PAK2: variants seen among roughly 807,000 people sequenced by gnomAD.
PAK2 encodes the protein p21 (RAC1) activated kinase 2, also known as serine/threonine-protein kinase PAK 2.
PAK2 carries 21 observed loss-of-function variants against 65.9 expected under a neutral mutation model. The observed-to-expected ratio is 0.32, with a 90% CI of 0.23 to 0.46. The LOEUF (loss-of-function observed/expected upper bound fraction) is 0.46, where lower values mean the gene tolerates loss of function less well. Ranked by LOEUF, PAK2 falls within the 20% of genes least tolerant of loss-of-function variation. The pLI is 1.00. For synonymous variants in PAK2, 204 were observed against 219.7 expected (o/e 0.93, Z 0.63); for missense variants, 324 against 642.6 (o/e 0.50, Z 5.36).
In PAK2 at chr3:196,801,928, A is replaced by C. The variant is rs1715434306; in HGVS notation, c.189A>C (p.Gly63=). 3.3e-6 allele frequency: 5 copies of C among 1,522,588 alleles called. No individual in the cohort carries two copies. The highest frequency in any genetic ancestry group is 1.4e-5 in the African/African-American group (1 of 73,224). The allele number at this position is 1,522,588 out of a possible 1,614,324, so 94.3% of individuals were successfully genotyped here. A position where few individuals can be genotyped will look rare whatever the true frequency, so the allele number is the denominator to read the frequency against. ...IISIFSGTEK[G]SKKKEKERPE... is the part of the protein sequence containing the mutation. ...CTCTTTTTTTCTAATGCCCCCTAGG[A>C]AGTAAAAAGAAAGAAAAGGAACGGC... Residue 63 remains glycine (G), a splice_region_variant and synonymous_variant, in exon 3 of 15, where the codon GGA becomes GGC. Transcript: ENST00000327134.
rs1461168229 is a variant in PAK2, at chr3:196,801,849, A to C, written c.188-78A>C. ...ACTCCATTTAAAAAAACAAAAGACAAAAAATAAAATTATAAGTGCCTTTAC... is the reference window on the plus strand; with the variant it reads ...ACTCCATTTAAAAAAACAAAAGACACAAAATAAAATTATAAGTGCCTTTAC... On this transcript the variant is annotated intron_variant, in intron 2 of 14. Transcript: ENST00000327134. The C allele has an allele frequency of 3.8e-5, 30 of 779,224 alleles. No individual in the cohort carries two copies. The East Asian group carries it at 7.0e-4, about 18-fold the overall frequency. The allele number at this position is 779,224 out of a possible 1,614,324, so 48.3% of individuals were successfully genotyped here.
chr3:196,783,709 C>T (rs947875154), intron 2 of PAK2, among the ~76,000 whole-genome samples: 5 of 152,238 alleles, frequency 3.3e-5, no homozygotes, highest in Middle Eastern at 3.4e-3. Context: ...ACCTTCTCTT[C>T]GTCCCCAATA....
At position 196,739,942 on chromosome 3, in the gene PAK2, G is replaced by A. The variant is rs1713125712; in HGVS notation, c.-237G>A. 6.6e-6 allele frequency: 1 copy of A among 152,136 alleles called. No homozygotes were observed. Among genetic ancestry groups the A allele is most frequent in the Non-Finnish European group, 1.5e-5 (1 of 68,030 alleles). The allele number at this position is 152,136 out of a possible 1,614,324, so 9.4% of individuals were successfully genotyped here. A position where few individuals can be genotyped will look rare whatever the true frequency, so the allele number is the denominator to read the frequency against. ...GGCCCGGGCCGTCGCCATTGCCGAA[G>A]GCTCCCTCCCCTCCCCTCCCTGGCG... On this transcript the variant is annotated 5_prime_UTR_variant, in exon 1 of 15. Coordinates refer to ENST00000327134, the MANE Select transcript of PAK2 (RefSeq NM_002577.4).
At chr3:196,781,077 C>T (rs1021137755) in intron 1 of PAK2, among the ~76,000 whole-genome samples, 4 of 152,206 alleles carry the variant, frequency 2.6e-5, no homozygotes, top group Non-Finnish European at 4.4e-5. Context: ...CATGAGCCAT[C>T]GTGCCCAGCT....
rs1184002054 is a variant in PAK2, at chr3:196,814,496, TG to T, written c.987del (p.Ser330HisfsTer6). 1.2e-5 allele frequency: 19 copies of T among 1,550,526 alleles called. No homozygotes were observed. The highest frequency in any genetic ancestry group is 2.3e-5 in the East Asian group (1 of 43,958). On this transcript the variant is annotated frameshift_variant, in exon 11 of 15. Transcript: ENST00000327134. LOFTEE classifies it high-confidence loss of function. ...ELFVVMEYLA[G>X]GSLTDVVTET... ...TGTTTGTGGTCATGGAATACCTTGC[TG>T]GGGGGTCACTCACTGATGTGGTAAC...
chr3:196,793,722 GT>G (rs1189556435), intron 2 of PAK2, among the ~76,000 whole-genome samples: 2 of 152,148 alleles, frequency 1.3e-5, no homozygotes, highest in African/African-American at 4.8e-5. Context: ...CAAGAAAAGA[GT>G]TCGCAGAGAA....
intron 1 of PAK2, among the ~76,000 whole-genome samples, chr3:196,750,332 A>G (rs560399519): frequency 2.0e-5 from 3 of 151,240 alleles, no homozygotes; most frequent in South Asian, 2.1e-4. Flanking sequence ...GAGACGGTTC[A>G]CTCTGTTGCG....
At chr3:196,800,569 G>A (rs1323551157) in intron 2 of PAK2, among the ~76,000 whole-genome samples, 1 of 152,176 alleles carries the variant, frequency 6.6e-6, no homozygotes, top group African/African-American at 2.4e-5. Flanking sequence ...GAAGACTTAT[G>A]TGACATAGTT....
intron 2 of PAK2, among the ~76,000 whole-genome samples, chr3:196,786,466 TTC>T (rs1714894023): frequency 6.6e-6 from 1 of 152,154 alleles, no homozygotes; most frequent in African/African-American, 2.4e-5. Context: ...TGTCTTCAAT[TTC>T]TCTTTTTTGT....
chr3:196,749,962 CAGA>C (rs1713514716), intron 1 of PAK2, among the ~76,000 whole-genome samples: 1 of 151,236 alleles, frequency 6.6e-6, no homozygotes, highest in South Asian at 2.1e-4. Context: ...GCCAGGACTA[CAGA>C]TACGCTACCT....
chr3:196,762,656 C>T (rs11927524), intron 1 of PAK2, among the ~76,000 whole-genome samples: 10,506 of 151,342 alleles, frequency 0.069, 568 homozygotes, highest in African/African-American at 0.15. Context: ...GCTTCGGCTC[C>T]GCATGAGAGG....
chr3:196,803,242 T>C, intron 4 of PAK2, 78 bp downstream of exon 4: 2 of 1,173,480 alleles, frequency 1.7e-6, no homozygotes, highest in South Asian at 3.1e-5. Context: ...CCTGGAAAAA[T>C]GAAAAGCTAA....
chr3:196,787,022 A>C (rs1214182001), intron 2 of PAK2, among the ~76,000 whole-genome samples: 1 of 151,724 alleles, frequency 6.6e-6, no homozygotes, highest in Non-Finnish European at 1.5e-5. Flanking sequence ...ACAGGCTCTC[A>C]TATGTTGCCC....
chr3:196,809,121 G>T (rs1715690170), intron 7 of PAK2, among the ~76,000 whole-genome samples: 1 of 151,096 alleles, frequency 6.6e-6, no homozygotes, highest in Non-Finnish European at 1.5e-5. Context: ...GGTGGTGCAT[G>T]TCTGTAGTCC....
At chr3:196,742,482 C>A (rs928263285) in intron 1 of PAK2, among the ~76,000 whole-genome samples, 1 of 152,216 alleles carries the variant, frequency 6.6e-6, no homozygotes, top group Non-Finnish European at 1.5e-5. Context: ...TATTTAAGAA[C>A]TTCAAGTAGC....
At chr3:196,826,595 G>A (rs1174201574) in intron 13 of PAK2, among the ~76,000 whole-genome samples, 1 of 151,942 alleles carries the variant, frequency 6.6e-6, no homozygotes, top group Admixed American at 6.6e-5. Context: ...TGAGGTTGTG[G>A]TTATTTTTAA....
At chr3:196,826,595 G>T (rs1174201574) in intron 13 of PAK2, among the ~76,000 whole-genome samples, 2 of 151,940 alleles carry the variant, frequency 1.3e-5, no homozygotes, top group Non-Finnish European at 1.5e-5. Context: ...TGAGGTTGTG[G>T]TTATTTTTAA....
chr3:196,771,936 T>C (rs1577711340), intron 1 of PAK2, among the ~76,000 whole-genome samples: 1 of 152,254 alleles, frequency 6.6e-6, no homozygotes, highest in East Asian at 1.9e-4. Context: ...TAACACTATG[T>C]CTATGCTGCT....
intron 1 of PAK2, among the ~76,000 whole-genome samples, chr3:196,753,712 G>T (rs1015806269): frequency 6.6e-6 from 1 of 152,108 alleles, no homozygotes; most frequent in Non-Finnish European, 1.5e-5. Flanking sequence ...CAGAAATTCT[G>T]TTGATGTTGT....
Sources: gnomAD v4.1 joint callset for allele counts (sites outside exome capture counted in the v4.1 genomes callset) on GRCh38, gnomAD v4.1.1 for gene constraint, MANE v1.5 for transcripts, NCBI Gene and HGNC (gene_info 2026-07-23, HGNC 2026-07-21) for gene names.